WIPF3: variants seen among roughly 807,000 people sequenced by gnomAD.
WIPF3 encodes WAS/WASL interacting protein family member 3, also known as WAS/WASL-interacting protein family member 3.
WIPF3 carries 33 observed loss-of-function variants against 38.9 expected under a neutral mutation model. The ratio of observed to expected loss-of-function variants is 0.85; its 90% CI spans 0.64 to 1.14. The LOEUF (loss-of-function observed/expected upper bound fraction) is 1.14. WIPF3 is among the 50% of genes most tolerant of loss of function. WIPF3 has a pLI of 0.00. For missense variants in WIPF3, 711 were observed against 652.5 expected (o/e 1.09, Z -0.98); for synonymous variants, 324 against 269.3 (o/e 1.20, Z -1.99).
At position 29,888,130 on chromosome 7, in the gene WIPF3, C is replaced by A. The variant is rs375567050; in HGVS notation, c.1162C>A (p.Leu388Ile). ...CCCTGCGAGATCACCTACCACAGAGCTTTCAAGCAAGAGCCAGCAGGCCAC... is the reference window on the plus strand; with the variant it reads ...CCCTGCGAGATCACCTACCACAGAGATTTCAAGCAAGAGCCAGCAGGCCAC... ...APPARSPTTE[L>I]SSKSQQATAW... The change falls in exon 6 of 9, where the codon CTT (leucine) becomes ATT (isoleucine). Residue 388 changes from leucine to isoleucine, a missense_variant. Transcript: ENST00000242140. The A allele has an allele frequency of 1.5e-5, 25 of 1,613,810 alleles. No individual in the cohort carries two copies. The highest frequency in any genetic ancestry group is 2.1e-5 in the Non-Finnish European group (25 of 1,179,882).
chr7:29,838,197 C>A (rs1007412521), intron 2 of WIPF3, among the ~76,000 whole-genome samples: 1 of 152,120 alleles, frequency 6.6e-6, no homozygotes, highest in Non-Finnish European at 1.5e-5. Flanking sequence ...GGATTACAGG[C>A]GTGAGCCACT....
At chr7:29,845,200 T>A (rs1784980367) in intron 2 of WIPF3, among the ~76,000 whole-genome samples, 1 of 152,182 alleles carries the variant, frequency 6.6e-6, no homozygotes, top group South Asian at 2.1e-4. Flanking sequence ...AAAAAGAAGA[T>A]GCAGTGCAAA....
chr7:29,909,668 G>A (rs1412942097), intron 8 of WIPF3, among the ~76,000 whole-genome samples: 1 of 152,162 alleles, frequency 6.6e-6, no homozygotes, highest in Non-Finnish European at 1.5e-5. Flanking sequence ...AGGTTAAGGT[G>A]GGAGAATTGC....
chr7:29,903,053 G>A (rs1786320501), intron 7 of WIPF3, among the ~76,000 whole-genome samples: 1 of 152,058 alleles, frequency 6.6e-6, no homozygotes, highest in Non-Finnish European at 1.5e-5. Context: ...AGAATTTTGG[G>A]AGGCAAAGGC....
At chr7:29,807,415 T>C (rs1049088336) in intron 1 of WIPF3, among the ~76,000 whole-genome samples, 2 of 152,104 alleles carry the variant, frequency 1.3e-5, no homozygotes, top group African/African-American at 4.8e-5. Context: ...GCAGAGCAGA[T>C]TTCCCCCAGC....
chr7:29,859,429 C>A (rs1172406746), intron 2 of WIPF3, among the ~76,000 whole-genome samples: 1 of 152,148 alleles, frequency 6.6e-6, no homozygotes, highest in Non-Finnish European at 1.5e-5. Flanking sequence ...TGTTCTCTAC[C>A]ACATTTCAAT....
chr7:29,810,070 G>A (rs1424322152), intron 1 of WIPF3, among the ~76,000 whole-genome samples: 1 of 152,180 alleles, frequency 6.6e-6, no homozygotes, highest in Non-Finnish European at 1.5e-5. Context: ...TGAGCAAGGT[G>A]CCCAGGTTGC....
intron 4 of WIPF3, 53 bp from the exon 5 acceptor site, chr7:29,883,797 G>A: frequency 2.7e-6 from 4 of 1,506,056 alleles, no homozygotes; most frequent in Non-Finnish European, 3.5e-6. Flanking sequence ...CTACCTGCGG[G>A]GGCTTTCTCC....
Position 29,849,166 on chromosome 7 carries a change from G to A in WIPF3, c.90+14352G>A, listed in dbSNP as rs370055775. ...GGCTCCTGTTTTTCTAGGGATTAAC[G>A]TTAAGGTTTTATTGTGTTGTTTTGT... On this transcript the variant is annotated intron_variant, in intron 2 of 8. Coordinates refer to ENST00000242140, the MANE Select transcript of WIPF3 (RefSeq NM_001080529.3). Among the ~76,000 whole-genome samples the A allele has an allele frequency of 9.9e-5, 15 of 152,166 alleles. No individual in the cohort carries two copies. The East Asian group carries it at 1.7e-3, about 18-fold the overall frequency.
Position 29,879,113 on chromosome 7 carries a change from C to G in WIPF3, c.328C>G (p.Arg110Gly), listed in dbSNP as rs200004509. Residue 110 changes from arginine (R) to glycine (G), a missense_variant, in exon 4 of 9, where the codon CGA becomes GGA. By Grantham distance (125) the Arg-to-Gly change is moderately radical. Coordinates refer to ENST00000242140, the MANE Select transcript of WIPF3 (RefSeq NM_001080529.3). ...DLFAGGFPVL[R>G]PAGQRDVAGG... The stretch of plus-strand genomic sequence containing the variant: ...GTTTGCTGGTGGCTTTCCTGTATTG[C>G]GACCAGCAGGCCAGCGGGATGTAGC... 5.3e-5 allele frequency: 86 copies of G among 1,612,060 alleles called. No individual in the cohort carries two copies. The highest frequency in any genetic ancestry group is 8.5e-7 in the Non-Finnish European group (1 of 1,179,140).
intron 7 of WIPF3, among the ~76,000 whole-genome samples, chr7:29,898,726 G>T (rs1281266105): frequency 6.6e-6 from 1 of 152,160 alleles, no homozygotes; most frequent in African/African-American, 2.4e-5. Context: ...TCTGAGTGAT[G>T]ATAACCACTT....
chr7:29,845,222 T>C (rs991894748), intron 2 of WIPF3, among the ~76,000 whole-genome samples: 42 of 152,238 alleles, frequency 2.8e-4, no homozygotes, highest in African/African-American at 9.4e-4. Flanking sequence ...GAACTCGGTT[T>C]TGTTTTGTCT....
intron 2 of WIPF3, among the ~76,000 whole-genome samples, chr7:29,864,939 G>T (rs541573835): frequency 1.3e-5 from 2 of 152,316 alleles, no homozygotes; most frequent in Non-Finnish European, 2.9e-5. Flanking sequence ...GGGAATGCAA[G>T]CTTTAAAACA....
chr7:29,853,217 T>A (rs1341117574), intron 2 of WIPF3, among the ~76,000 whole-genome samples: 3 of 152,230 alleles, frequency 2.0e-5, no homozygotes, highest in African/African-American at 7.2e-5. Context: ...CCAACTCTTG[T>A]GACTCTCAGG....
At chr7:29,902,061 A>G (rs1395263492) in intron 7 of WIPF3, among the ~76,000 whole-genome samples, 1 of 151,922 alleles carries the variant, frequency 6.6e-6, no homozygotes, top group Non-Finnish European at 1.5e-5. Context: ...CGGGGATGCT[A>G]TTAAACATTC....
intron 2 of WIPF3, 136 bp from the exon 3 acceptor site, chr7:29,875,694 C>T (rs755461963): frequency 2.5e-6 from 3 of 1,185,856 alleles, no homozygotes; most frequent in Admixed American, 2.3e-5. Flanking sequence ...GTGTCTCTCC[C>T]ATAGGTAATC....
At chr7:29,833,247 G>A (rs984807930) in intron 1 of WIPF3, among the ~76,000 whole-genome samples, 1 of 152,214 alleles carries the variant, frequency 6.6e-6, no homozygotes, top group Non-Finnish European at 1.5e-5. Flanking sequence ...GGATAGTGAT[G>A]CTGGTTGCAC....
intron 2 of WIPF3, among the ~76,000 whole-genome samples, chr7:29,870,877 A>T (rs1785482616): frequency 6.6e-6 from 1 of 152,016 alleles, no homozygotes; most frequent in Admixed American, 6.5e-5. Context: ...GAATTGCTTG[A>T]ACCCAGGAGA....
intron 1 of WIPF3, among the ~76,000 whole-genome samples, 187 bp downstream of exon 1, chr7:29,806,865 C>G (rs1784288459): frequency 6.6e-6 from 1 of 151,260 alleles, no homozygotes; most frequent in Non-Finnish European, 1.5e-5. Context: ...GTCGACGTGC[C>G]GCGCGGCGCT....
Sources: gnomAD v4.1 joint callset for allele counts (sites outside exome capture counted in the v4.1 genomes callset) on GRCh38, gnomAD v4.1.1 for gene constraint, MANE v1.5 for transcripts, NCBI Gene and HGNC (gene_info 2026-07-23, HGNC 2026-07-21) for gene names.